The following PRKACB variants were observed in gnomAD, a reference collection of about 807,000 sequenced individuals.
PRKACB encodes cAMP-dependent protein kinase catalytic subunit beta.
PRKACB carries 16 observed loss-of-function variants against 51.4 expected under a neutral mutation model. That is an observed-to-expected ratio of 0.31 (90% CI 0.21 to 0.47). The LOEUF is 0.47. PRKACB is among the 20% of genes least tolerant of loss of function. The pLI, the probability that PRKACB is intolerant of heterozygous loss-of-function variation, is 1.00. For missense variants in PRKACB, 309 were observed against 464.5 expected (o/e 0.67, Z 3.08); for synonymous variants, 147 against 154.4 (o/e 0.95, Z 0.35).
Position 84,175,760 on chromosome 1 carries a change from G to A in PRKACB, c.188-3417G>A, listed in dbSNP as rs754376403. 14 of 1,543,386 alleles carry A rather than the reference G, an allele frequency of 9.1e-6. No homozygotes were observed. The African/African-American group carries it at 1.5e-4, about 17-fold the overall frequency. On this transcript the variant is annotated intron_variant, in intron 1 of 9. Transcript: ENST00000370685. ...TTTTTTTTTCATCTCTTGAATGTGGGTGAATGTTCCTGCAAACAAATCTTG... is the reference window on the plus strand; with the variant it reads ...TTTTTTTTTCATCTCTTGAATGTGGATGAATGTTCCTGCAAACAAATCTTG...
rs563607799 is a variant in PRKACB at position 84,111,928 on chromosome 1, A to G, written c.46+33557A>G. On this transcript the variant is annotated intron_variant, in intron 1 of 8. Coordinates refer to the PRKACB transcript ENST00000370688. ...ATTTAGTATTTATTTCTAATATAAG[A>G]TTGGGAAAATAGCATCAAAATACAG... Among the ~76,000 whole-genome samples, 4 of 152,262 alleles carry G rather than the reference A, an allele frequency of 2.6e-5. No individual in the cohort carries two copies. In the South Asian group the frequency reaches 8.3e-4, roughly 32 times the overall value.
intron 5 of PRKACB, among the ~76,000 whole-genome samples, chr1:84,187,408 G>C (rs914467271): frequency 6.6e-6 from 1 of 152,102 alleles, no homozygotes; most frequent in Non-Finnish European, 1.5e-5. Flanking sequence ...ATGGAGTCTT[G>C]TTCTAGTGTT....
intron 9 of PRKACB, among the ~76,000 whole-genome samples, chr1:84,221,934 C>G (rs945319969): frequency 2.0e-5 from 3 of 152,012 alleles, no homozygotes; most frequent in Non-Finnish European, 2.9e-5. Flanking sequence ...TAAATGTCTC[C>G]TAGGTACATT....
intron 1 of PRKACB, among the ~76,000 whole-genome samples, chr1:84,149,266 AT>A (rs890321047): frequency 2.3e-4 from 34 of 147,124 alleles, no homozygotes; most frequent in Admixed American, 4.1e-4. Context: ...ACCAGCTCCA[AT>A]TTTTTTTTTT....
intron 1 of PRKACB, among the ~76,000 whole-genome samples, chr1:84,103,871 A>G (rs1366575401): frequency 6.6e-6 from 1 of 152,200 alleles, no homozygotes; most frequent in Non-Finnish European, 1.5e-5. Context: ...GTACATATTT[A>G]TAGGATACAG....
chr1:84,078,435 C>CGGGTCGCAGCTTCTG, intron 1 of PRKACB: 1 of 1,573,378 alleles, frequency 6.4e-7, no homozygotes, highest in African/African-American at 1.4e-5. Flanking sequence ...GAGCGCCCTC[C>CGGGTCGCAGCTTCTG]GGGTCGCAGC....
intron 9 of PRKACB, among the ~76,000 whole-genome samples, chr1:84,225,569 T>C (rs1458745848): frequency 6.6e-6 from 1 of 152,148 alleles, no homozygotes; most frequent in Non-Finnish European, 1.5e-5. Flanking sequence ...TACTCTCTAA[T>C]GGTAGTTGGC....
intron 9 of PRKACB, among the ~76,000 whole-genome samples, chr1:84,225,832 G>A (rs1674496339): frequency 6.6e-6 from 1 of 152,112 alleles, no homozygotes; most frequent in South Asian, 2.1e-4. Flanking sequence ...CTGCCAGCTG[G>A]TCCCAGCTAG....
chr1:84,087,556 TTTTTTA>T (rs1648113225), intron 1 of PRKACB, among the ~76,000 whole-genome samples: 1 of 152,152 alleles, frequency 6.6e-6, no homozygotes, highest in South Asian at 2.1e-4. Flanking sequence ...TTTAAAATAA[TTTTTTA>T]TTTTTATTTA....
At chr1:84,131,783 G>A (rs1280529930) in intron 1 of PRKACB, among the ~76,000 whole-genome samples, 2 of 152,202 alleles carry the variant, frequency 1.3e-5, no homozygotes, top group Admixed American at 6.5e-5. Flanking sequence ...AACTGCTGGA[G>A]GCTGAGTGTG....
At chr1:84,159,315 T>C (rs1571892013) in intron 1 of PRKACB, among the ~76,000 whole-genome samples, 2 of 152,100 alleles carry the variant, frequency 1.3e-5, no homozygotes, top group Admixed American at 1.3e-4. Flanking sequence ...TTAATTTCTT[T>C]AGCGTTCCAG....
chr1:84,108,961 A>G (rs758579525), intron 1 of PRKACB, among the ~76,000 whole-genome samples: 1 of 152,000 alleles, frequency 6.6e-6, no homozygotes, highest in Non-Finnish European at 1.5e-5. Context: ...GATTGATTAC[A>G]TTTGCCTCTT....
chr1:84,187,761 T>C (rs866619286), intron 5 of PRKACB, among the ~76,000 whole-genome samples: 1 of 152,156 alleles, frequency 6.6e-6, no homozygotes. Context: ...GAAAAAACTT[T>C]TTTCTCTACA....
intron 7 of PRKACB, among the ~76,000 whole-genome samples, chr1:84,201,804 CTT>C (rs1356870208): frequency 1.3e-5 from 2 of 151,944 alleles, no homozygotes; most frequent in African/African-American, 4.8e-5. Context: ...TAAAAAATCT[CTT>C]GTGTCAGTTG....
At chr1:84,095,375 A>G (rs1648851601) in intron 1 of PRKACB, among the ~76,000 whole-genome samples, 5 of 150,320 alleles carry the variant, frequency 3.3e-5, no homozygotes. Context: ...GGATTTGTGT[A>G]TTTTTTACCT....
At chr1:84,172,455 A>G (rs1033661012) in intron 1 of PRKACB, among the ~76,000 whole-genome samples, 1 of 151,700 alleles carries the variant, frequency 6.6e-6, no homozygotes, top group Non-Finnish European at 1.5e-5. Flanking sequence ...ATCACGAGTC[A>G]AACATGGCAT....
chr1:84,088,867 A>G (rs1175305534), intron 1 of PRKACB, among the ~76,000 whole-genome samples: 2 of 152,228 alleles, frequency 1.3e-5, no homozygotes, highest in African/African-American at 4.8e-5. Context: ...ATAGTAAGGC[A>G]TACAATGATA....
At chr1:84,200,499 T>C (rs1355417512) in intron 7 of PRKACB, among the ~76,000 whole-genome samples, 1 of 152,224 alleles carries the variant, frequency 6.6e-6, no homozygotes, top group Non-Finnish European at 1.5e-5. Context: ...TAGATCCCAC[T>C]TGACAGTGTT....
intron 1 of PRKACB, among the ~76,000 whole-genome samples, chr1:84,138,354 C>T (rs6704299): frequency 0.13 from 19,691 of 152,050 alleles, 1,647 homozygotes; most frequent in Non-Finnish European, 0.19. Context: ...TGTATAAATG[C>T]TACAGGCATT....
Sources: allele counts gnomAD v4.1 joint callset (sites outside exome capture counted in the v4.1 genomes callset), GRCh38; gene constraint gnomAD v4.1.1; transcripts MANE v1.5; gene names NCBI Gene and HGNC (gene_info 2026-07-23, HGNC 2026-07-21).